The following HEG1 variants were observed in gnomAD, a reference collection of about 807,000 sequenced individuals.
HEG1 encodes the protein heart development protein with EGF like domains 1.
In HEG1, 56 loss-of-function variants were observed where a neutral mutation model predicts 125.6. That is an observed-to-expected ratio of 0.45 (90% CI 0.36 to 0.56). The LOEUF (loss-of-function observed/expected upper bound fraction) is 0.56. Ranked by LOEUF, HEG1 falls within the 20% of genes least tolerant of loss-of-function variation. The pLI is 0.00. For missense variants in HEG1, 1,523 were observed against 1,670.0 expected, an observed-to-expected ratio of 0.91 and a Z score of 1.53; for synonymous variants, 644 against 668.5, an observed-to-expected ratio of 0.96 and a Z score of 0.57.
intron 15 of HEG1, 91 bp downstream of exon 15, chr3:124,977,768 C>G: frequency 1.3e-6 from 1 of 765,104 alleles, no homozygotes; most frequent in South Asian, 1.9e-5. Context: ...ATATTGTGAA[C>G]CATCTCAAGT....
chr3:125,025,938 C>T (rs887581641), intron 3 of HEG1, among the ~76,000 whole-genome samples: 1 of 152,208 alleles, frequency 6.6e-6, no homozygotes, highest in Non-Finnish European at 1.5e-5. Flanking sequence ...AACAGGCACT[C>T]CAGAAGGGAC....
chr3:124,996,344 A>C (rs941813801), intron 12 of HEG1, among the ~76,000 whole-genome samples: 26 of 152,068 alleles, frequency 1.7e-4, no homozygotes, highest in Admixed American at 6.5e-5. Flanking sequence ...TCGGCCTCCC[A>C]AAGTGCTGAA....
intron 1 of HEG1, among the ~76,000 whole-genome samples, chr3:125,042,054 A>C (rs1937597516): frequency 6.6e-6 from 1 of 152,256 alleles, no homozygotes; most frequent in Non-Finnish European, 1.5e-5. Flanking sequence ...GATTGTACTC[A>C]ATGCCACTGA....
intron 3 of HEG1, among the ~76,000 whole-genome samples, chr3:125,023,706 T>C (rs1254402637): frequency 6.6e-6 from 1 of 152,220 alleles, no homozygotes. Context: ...GGCTGGATTC[T>C]TGGTTATTTA....
intron 5 of HEG1, among the ~76,000 whole-genome samples, chr3:125,017,006 A>G (rs890441998): frequency 6.6e-6 from 1 of 152,198 alleles, no homozygotes; most frequent in East Asian, 1.9e-4. Flanking sequence ...AATAGGAGAA[A>G]TGTCTGCAAA....
Position 125,013,448 on chromosome 3 carries a change from G to T in HEG1, c.2131C>A (p.Pro711Thr), listed in dbSNP as rs186767264. The part of the protein sequence containing the change: ...LLKSTSDAST[P>T]WSSSPSPLPV... ...AAAGGTGATGGTGAGGAAGACCATG[G>T]TGTGGATGCATCAGAGGTAGACTTT... Residue 711 changes from proline (P) to threonine (T), a missense_variant, in exon 6 of 17, where the codon CCA becomes ACA. Pro to Thr is a conservative substitution (Grantham distance 38). Transcript: ENST00000311127. The T allele has an allele frequency of 8.2e-5, 133 of 1,613,904 alleles. No homozygotes were observed. The Admixed American group carries it at 2.2e-3, about 27-fold the overall frequency.
At position 124,966,351 on chromosome 3, in the gene HEG1, A is replaced by T. The variant is rs1560010325; in HGVS notation, c.*4301T>A. The T allele has an allele frequency of 6.6e-6, 1 of 152,210 alleles. No homozygotes were observed. The allele number at this position is 152,210 out of a possible 1,614,324, so 9.4% of individuals were successfully genotyped here. On this transcript the variant is annotated 3_prime_UTR_variant, in exon 17 of 17. Coordinates refer to ENST00000311127, the MANE Select transcript of HEG1 (RefSeq NM_020733.2). ...TTTACACCAGATATGATGGAGTATA[A>T]CGCTAATGAAGATACTTTACTACAA...
Position 125,055,556 on chromosome 3 carries a change from G to T in HEG1, c.316+19C>A. ...CCAGCACAGACTGGCCAGGCGCCAG[G>T]TTCCCGGCTCTCACTCACCCGCGCT... On this transcript the variant is annotated intron_variant, in intron 1 of 16. Transcript: ENST00000311127. 1 of 1,200,564 alleles carries T rather than the reference G, an allele frequency of 8.3e-7. No individual in the cohort carries two copies. The highest frequency in any genetic ancestry group is 1.0e-6 in the Non-Finnish European group (1 of 967,042). 74.4% of individuals were successfully genotyped at this position (1,200,564 alleles called of 1,614,324 possible).
chr3:125,005,246 T>A lies in HEG1; in HGVS notation c.3297+19A>T. 2.1e-6 allele frequency: 3 copies of A among 1,414,328 alleles called. No homozygotes were observed. The highest frequency in any genetic ancestry group is 3.0e-6 in the Non-Finnish European group (3 of 1,013,654). 87.6% of individuals were successfully genotyped at this position (1,414,328 alleles called of 1,614,324 possible). On this transcript the variant is annotated intron_variant, in intron 9 of 16. Transcript: ENST00000311127. ...AGGAAACAAAAGACGAGTAGAAAGA[T>A]GCCATTCAGGACACTTACCGTTTTG...
intron 15 of HEG1, among the ~76,000 whole-genome samples, chr3:124,974,559 A>G (rs1390606344): frequency 1.3e-5 from 2 of 152,220 alleles, no homozygotes; most frequent in African/African-American, 4.8e-5. Context: ...TTTATGAAAA[A>G]GCCCACCTAT....
rs188125223 is a variant in HEG1, at chr3:125,004,146, T to C, written c.3297+1119A>G. On this transcript the variant is annotated intron_variant, in intron 9 of 16. Coordinates refer to ENST00000311127, the MANE Select transcript of HEG1 (RefSeq NM_020733.2). The stretch of plus-strand genomic sequence containing the variant: ...TGTTACAGGAGTGCGCCATCTGACA[T>C]CGTCCCTATCATGAAGTGAATGCTC... Among the ~76,000 whole-genome samples, 158 of 152,282 alleles carry C rather than the reference T, an allele frequency of 1.0e-3. 1 individual carries two copies. The highest frequency in any genetic ancestry group is 1.8e-3 in the Non-Finnish European group (125 of 68,020).
At position 125,012,777 on chromosome 3, in the gene HEG1, T is replaced by A; in HGVS notation, c.2802A>T (p.Thr934=). ...AKEMTTKLGV[T]AEYSPASRSL... ...AACGTGAAGCTGGGCTGTACTCTGC[T>A]GTAACGCCAAGCTTTGTGGTCATTT... is the stretch of plus-strand genomic sequence containing the variant. Residue 934 remains threonine, a synonymous_variant, in exon 6 of 17, where the codon ACA becomes ACT. Transcript: ENST00000311127. 1.2e-6 allele frequency: 2 copies of A among 1,614,086 alleles called. No homozygotes were observed. Among genetic ancestry groups the A allele is most frequent in the African/African-American group, 1.3e-5 (1 of 75,074 alleles).
intron 1 of HEG1, among the ~76,000 whole-genome samples, chr3:125,054,198 T>C (rs1169602489): frequency 6.6e-6 from 1 of 152,246 alleles, no homozygotes; most frequent in Non-Finnish European, 1.5e-5. Context: ...CCGTGGAAGT[T>C]AGCAAAACAG....
At chr3:125,051,973 A>T (rs1035070801) in intron 1 of HEG1, among the ~76,000 whole-genome samples, 4 of 152,088 alleles carry the variant, frequency 2.6e-5, no homozygotes, top group Non-Finnish European at 5.9e-5. Flanking sequence ...GGCAGCAAAT[A>T]CCTTTCAGTC....
At chr3:125,040,748 A>G (rs535775671) in intron 1 of HEG1, among the ~76,000 whole-genome samples, 1 of 152,134 alleles carries the variant, frequency 6.6e-6, no homozygotes, top group South Asian at 2.1e-4. Context: ...ACCCTCCTTT[A>G]AAATTCCCCT....
intron 14 of HEG1, among the ~76,000 whole-genome samples, chr3:124,987,834 C>T (rs1457371344): frequency 6.6e-6 from 1 of 150,756 alleles, no homozygotes; most frequent in Non-Finnish European, 1.5e-5. Context: ...CTCTCTGTTT[C>T]TAACAATATC....
intron 12 of HEG1, among the ~76,000 whole-genome samples, chr3:124,996,375 C>G (rs769148376): frequency 6.6e-6 from 1 of 152,090 alleles, no homozygotes; most frequent in African/African-American, 2.4e-5. Context: ...TGAGTCACCA[C>G]GCCCGGCTCA....
chr3:124,989,143 G>A (rs1038682552), intron 14 of HEG1, among the ~76,000 whole-genome samples: 3 of 152,194 alleles, frequency 2.0e-5, no homozygotes, highest in Admixed American at 2.0e-4. Flanking sequence ...GTAGCACCAT[G>A]CTGGGTGCAC....
chr3:125,018,864 C>CT (rs755310479), intron 5 of HEG1, among the ~76,000 whole-genome samples: 2,967 of 119,564 alleles, frequency 0.025, 123 homozygotes, highest in African/African-American at 0.072. Flanking sequence ...TTCATGCATG[C>CT]TTTTTTTTTT....
Sources: allele counts gnomAD v4.1 joint callset (sites outside exome capture counted in the v4.1 genomes callset), GRCh38; gene constraint gnomAD v4.1.1; transcripts MANE v1.5; gene names NCBI Gene and HGNC (gene_info 2026-07-23, HGNC 2026-07-21).